Variants in SNX29 observed in about 807,000 individuals in gnomAD.
The protein encoded by SNX29 is sorting nexin-29.
In SNX29, 78 loss-of-function variants were observed where a neutral mutation model predicts 102.1. The observed-to-expected ratio is 0.76, with a 90% confidence interval of 0.64 to 0.92. The LOEUF (loss-of-function observed/expected upper bound fraction) is 0.92. Ranked by LOEUF, SNX29 falls within the 40% of genes least tolerant of loss-of-function variation. The pLI is 0.00. For missense variants in SNX29, 1,280 were observed against 1,061.7 expected, an observed-to-expected ratio of 1.21 and a Z score of -2.86; for synonymous variants, 580 against 414.5, an observed-to-expected ratio of 1.40 and a Z score of -4.85.
In SNX29 at chr16:12,477,738, A is replaced by G. The variant is rs1330889249; in HGVS notation, c.2057A>G (p.Asp686Gly). Residue 686 changes from aspartate (D) to glycine (G), a missense_variant, in exon 19 of 21, where the codon GAC (aspartate) becomes GGC (glycine). Physicochemically the swap from Asp to Gly is moderately conservative, Grantham distance 94. Coordinates refer to ENST00000566228, the MANE Select transcript of SNX29 (RefSeq NM_032167.5). Reference sequence around the variant, plus strand: ...TGACAGGTCTACATCCGGATAAAAGACGATGAATGGAATATTTATCGCCGG... The same window carrying G: ...TGACAGGTCTACATCCGGATAAAAGGCGATGAATGGAATATTTATCGCCGG... ...HVYQVYIRIK[D>G]DEWNIYRRYT... 6.2e-7 allele frequency: 1 copy of G among 1,612,258 alleles called. No homozygotes were observed. Among genetic ancestry groups the G allele is most frequent in the Non-Finnish European group, 8.5e-7 (1 of 1,179,466 alleles).
intron 3 of SNX29, among the ~76,000 whole-genome samples, chr16:12,007,847 A>G (rs2056508453): frequency 6.6e-6 from 1 of 152,134 alleles, no homozygotes; most frequent in Non-Finnish European, 1.5e-5. Flanking sequence ...TGGGAGAAAG[A>G]CCCACGTCCT....
intron 15 of SNX29, among the ~76,000 whole-genome samples, chr16:12,312,170 A>G (rs1056296225): frequency 1.3e-5 from 2 of 152,190 alleles, no homozygotes; most frequent in African/African-American, 2.4e-5. Flanking sequence ...CTCAAAGGCA[A>G]AAAGGATATT....
At chr16:12,078,073 A>C (rs2051671405) in intron 10 of SNX29, among the ~76,000 whole-genome samples, 1 of 152,336 alleles carries the variant, frequency 6.6e-6, no homozygotes, top group Admixed American at 6.5e-5. Context: ...AAGCATCTCT[A>C]ACTCACAAAT....
chr16:12,261,036 T>C (rs2078734440), intron 14 of SNX29, among the ~76,000 whole-genome samples: 1 of 134,974 alleles, frequency 7.4e-6, no homozygotes, highest in Admixed American at 7.7e-5. Flanking sequence ...CCGGCTGGAG[T>C]GAGTGTGTGC....
At chr16:12,303,363 G>C (rs943004788) in intron 15 of SNX29, among the ~76,000 whole-genome samples, 1 of 152,198 alleles carries the variant, frequency 6.6e-6, no homozygotes, top group Non-Finnish European at 1.5e-5. Context: ...TAAGAGAGTC[G>C]ATTTTTAAAA....
intron 13 of SNX29, among the ~76,000 whole-genome samples, chr16:12,170,500 T>C (rs2076123055): frequency 6.6e-6 from 1 of 151,586 alleles, no homozygotes; most frequent in African/African-American, 2.4e-5. Context: ...CCTGCTGGTA[T>C]GCGTGTATCA....
chr16:12,481,479 CACAT>C (rs201075880), intron 19 of SNX29, among the ~76,000 whole-genome samples: 31,052 of 149,694 alleles, frequency 0.21, 3,725 homozygotes, highest in South Asian at 0.37. Context: ...CATATATACA[CACAT>C]ATATATACAC....
intron 15 of SNX29, among the ~76,000 whole-genome samples, chr16:12,294,974 G>A (rs770551326): frequency 9.2e-5 from 14 of 152,090 alleles, no homozygotes; most frequent in African/African-American, 1.4e-4. Context: ...TGAAAGACAC[G>A]TCTTACATGG....
chr16:12,569,635 AAGAC>A lies in SNX29; in HGVS notation c.*1010_*1013del, dbSNP rs3074250. The A allele has an allele frequency of 0.6, 136,000 of 228,152 alleles. 41,220 individuals carry two copies. The highest frequency in any genetic ancestry group is 0.68 in the African/African-American group (30,418 of 44,858). The allele number at this position is 228,152 out of a possible 1,614,324, so 14.1% of individuals were successfully genotyped here. Reference sequence around the variant, plus strand: ...TTGATAACAGAACTCTGCATCCCCTAAGACAGAGTCCTCTGTTCCTCCCATGTCA... The same window carrying A: ...TTGATAACAGAACTCTGCATCCCCTAAGAGTCCTCTGTTCCTCCCATGTCA... On this transcript the variant is annotated 3_prime_UTR_variant, in exon 21 of 21. Coordinates refer to ENST00000566228, the MANE Select transcript of SNX29 (RefSeq NM_032167.5).
chr16:12,214,885 A>G (rs567502735), intron 14 of SNX29, among the ~76,000 whole-genome samples: 4 of 152,138 alleles, frequency 2.6e-5, no homozygotes, highest in Non-Finnish European at 5.9e-5. Context: ...TAAAAATGTA[A>G]TCTCTTTATT....
intron 15 of SNX29, among the ~76,000 whole-genome samples, chr16:12,321,547 G>A (rs1345487231): frequency 6.6e-6 from 1 of 152,172 alleles, no homozygotes; most frequent in Non-Finnish European, 1.5e-5. Flanking sequence ...AGAGAGCGGG[G>A]GGAGGAGTGC....
At chr16:12,091,467 A>G (rs2052538509) in intron 11 of SNX29, among the ~76,000 whole-genome samples, 1 of 152,134 alleles carries the variant, frequency 6.6e-6, no homozygotes, top group African/African-American at 2.4e-5. Flanking sequence ...TGGAGCCCTC[A>G]TGAGTGGGAT....
At chr16:11,982,703 A>T (rs1304402258) in intron 1 of SNX29, among the ~76,000 whole-genome samples, 2 of 151,534 alleles carry the variant, frequency 1.3e-5, no homozygotes, top group African/African-American at 4.8e-5. Flanking sequence ...TGCTGGGATC[A>T]CAGGCGTGAG....
intron 13 of SNX29, among the ~76,000 whole-genome samples, chr16:12,165,382 C>T (rs988887853): frequency 9.2e-5 from 14 of 152,258 alleles, no homozygotes; most frequent in African/African-American, 3.4e-4. Context: ...AAAAGATAAC[C>T]TGCTTGTCAA....
chr16:12,488,556 T>A (rs989111479), intron 19 of SNX29, among the ~76,000 whole-genome samples: 1 of 152,214 alleles, frequency 6.6e-6, no homozygotes, highest in Non-Finnish European at 1.5e-5. Context: ...CGAACCTGTT[T>A]GTTGAATAAC....
chr16:12,237,058 C>G (rs1166869263), intron 14 of SNX29, among the ~76,000 whole-genome samples: 2 of 152,198 alleles, frequency 1.3e-5, no homozygotes, highest in African/African-American at 4.8e-5. Flanking sequence ...GAAACTGACT[C>G]TCAGTCTCAC....
At chr16:12,073,142 G>T (rs2051377322) in intron 10 of SNX29, among the ~76,000 whole-genome samples, 2 of 151,534 alleles carry the variant, frequency 1.3e-5, no homozygotes, top group South Asian at 2.1e-4. Flanking sequence ...TTAATTTTTT[G>T]AAGGGTTTTT....
At chr16:12,084,269 A>G (rs2052053567) in intron 11 of SNX29, among the ~76,000 whole-genome samples, 2 of 151,604 alleles carry the variant, frequency 1.3e-5, no homozygotes, top group African/African-American at 4.9e-5. Flanking sequence ...CCTCAGCCTC[A>G]TGAGTAGCTG....
intron 20 of SNX29, among the ~76,000 whole-genome samples, chr16:12,553,032 G>C (rs78181107): frequency 6.6e-6 from 1 of 152,236 alleles, no homozygotes; most frequent in Non-Finnish European, 1.5e-5. Context: ...GCTTTAAGAG[G>C]CTGGGGACAC....
Sources: allele counts gnomAD v4.1 joint callset (sites outside exome capture counted in the v4.1 genomes callset), GRCh38; gene constraint gnomAD v4.1.1; transcripts MANE v1.5; gene names NCBI Gene and HGNC (gene_info 2026-07-23, HGNC 2026-07-21).